TFAP2C: variants seen among roughly 807,000 people sequenced by gnomAD.
TFAP2C encodes the protein transcription factor AP-2 gamma.
TFAP2C carries 9 observed loss-of-function variants against 42.9 expected under a neutral mutation model. The ratio of observed to expected loss-of-function variants is 0.21; its 90% CI spans 0.13 to 0.37. The LOEUF (loss-of-function observed/expected upper bound fraction) is 0.37, where lower values mean the gene tolerates loss of function less well. TFAP2C is among the 10% of genes least tolerant of loss of function. The probability of loss-of-function intolerance (pLI) is 1.00; values close to 1 mark genes in which losing one functional copy is unlikely to be tolerated. For synonymous variants in TFAP2C, 264 were observed against 256.0 expected, an observed-to-expected ratio of 1.03 and a Z score of -0.30; for missense variants, 462 against 591.7, an observed-to-expected ratio of 0.78 and a Z score of 2.27.
chr20:56,638,714 CTT>C lies in TFAP2C; in HGVS notation c.*703_*704del, dbSNP rs1196095890. ...AAGTTAACTCTTCAAATGGGAGACT[CTT>C]TGAAATGACATGTTCCTTTAAGGTA... On this transcript the variant is annotated 3_prime_UTR_variant, in exon 7 of 7. Coordinates refer to ENST00000201031, the MANE Select transcript of TFAP2C (RefSeq NM_003222.4). 7.8e-6 allele frequency: 1 copy of C among 128,334 alleles called. No individual in the cohort carries two copies. The highest frequency in any genetic ancestry group is 3.0e-5 in the African/African-American group (1 of 33,444). The allele number at this position is 128,334 out of a possible 1,614,324, so 7.9% of individuals were successfully genotyped here.
At chr20:56,637,689 C>T in intron 6 of TFAP2C, 39 bp from the exon 7 acceptor site, 1 of 1,603,822 alleles carries the variant, frequency 6.2e-7, no homozygotes. Context: ...CTGTAAGGAG[C>T]TAGATGGAAC....
rs1429204295 is a variant in TFAP2C, at chr20:56,638,464, T to A, written c.*451T>A. ...GGTTGGTTTTTGTGTCCGCTAAATA[T>A]TTACCTTGAAAAAAAGAAAAGTGTG... is the stretch of plus-strand genomic sequence containing the variant. On this transcript the variant is annotated 3_prime_UTR_variant, in exon 7 of 7. Transcript: ENST00000201031. 1 of 158,756 alleles carries A rather than the reference T, an allele frequency of 6.3e-6. No homozygotes were observed. Among genetic ancestry groups the A allele is most frequent in the African/African-American group, 2.4e-5 (1 of 41,400 alleles). 9.8% of individuals were successfully genotyped at this position (158,756 alleles called of 1,614,324 possible). A position where few individuals can be genotyped will look rare whatever the true frequency, so the allele number is the denominator to read the frequency against.
rs1162002399 is a variant in TFAP2C at position 56,631,742 on chromosome 20, C to T, written c.534+52C>T. ...GACCTGTTCACCCTACGGCCTTCTG[C>T]CCCCACCCCGCACTCCTCTAGGCTC... On this transcript the variant is annotated intron_variant, in intron 2 of 6. Coordinates refer to ENST00000201031, the MANE Select transcript of TFAP2C (RefSeq NM_003222.4). The surrounding 1 kb of genome is among the most constrained non-coding windows in gnomAD (Gnocchi z 6.1). 4 of 1,612,348 alleles carry T rather than the reference C, an allele frequency of 2.5e-6. No homozygotes were observed. The highest frequency in any genetic ancestry group is 1.7e-4 in the Middle Eastern group (1 of 6,058).
At position 56,629,428 on chromosome 20, in the gene TFAP2C, C is replaced by A; in HGVS notation, c.-117C>A. The A allele has an allele frequency of 2.2e-6, 2 of 919,274 alleles. No homozygotes were observed. The highest frequency in any genetic ancestry group is 1.5e-6 in the Non-Finnish European group (1 of 666,278). The allele number at this position is 919,274 out of a possible 1,614,324, so 56.9% of individuals were successfully genotyped here. A position where few individuals can be genotyped will look rare whatever the true frequency, so the allele number is the denominator to read the frequency against. On this transcript the variant is annotated 5_prime_UTR_variant, in exon 1 of 7. Coordinates refer to ENST00000201031, the MANE Select transcript of TFAP2C (RefSeq NM_003222.4). The surrounding 1 kb of genome is among the most constrained non-coding windows in gnomAD (Gnocchi z 5.9). ...AGTGACCCGGACAGCAAGGCCCGCG[C>A]GCGGCGGGGGCGGCGGCAGACGCCT...
In TFAP2C at chr20:56,638,563, G is replaced by A. The variant is rs985004941; in HGVS notation, c.*550G>A. 3.9e-5 allele frequency: 6 copies of A among 152,882 alleles called. No homozygotes were observed. Among genetic ancestry groups the A allele is most frequent in the African/African-American group, 1.2e-4 (5 of 41,290 alleles). 9.5% of individuals were successfully genotyped at this position (152,882 alleles called of 1,614,324 possible). On this transcript the variant is annotated 3_prime_UTR_variant, in exon 7 of 7. Coordinates refer to ENST00000201031, the MANE Select transcript of TFAP2C (RefSeq NM_003222.4). ...TATCTGCTTAGCAACTAGTTAATAA[G>A]TGGTATCTGACACACTCTAAACCCC...
At chr20:56,632,726 T>G (rs757066594) in intron 3 of TFAP2C, among the ~76,000 whole-genome samples, 2 of 108,356 alleles carry the variant, frequency 1.8e-5, no homozygotes, top group Non-Finnish European at 3.5e-5. Context: ...TTTTGGTTGT[T>G]CTTGAGGGGA....
In TFAP2C at chr20:56,630,319, T is replaced by C. The variant is rs1019428795; in HGVS notation, c.48+727T>C. ...CCTCCGGGCCCTGGAGGGCTGCCCC[T>C]GCCCGCAGGCCCGGGCGCTTCCGCC... On this transcript the variant is annotated intron_variant, in intron 1 of 6. Transcript: ENST00000201031. This position sits in a 1 kb window ranked among gnomAD's most constrained non-coding sequence, Gnocchi z 5.1. The C allele has an allele frequency of 2.4e-6, 1 of 419,074 alleles. No homozygotes were observed. The highest frequency in any genetic ancestry group is 2.9e-5 in the Admixed American group (1 of 34,138). 26.0% of individuals were successfully genotyped at this position (419,074 alleles called of 1,614,324 possible). A position where few individuals can be genotyped will look rare whatever the true frequency, so the allele number is the denominator to read the frequency against.
chr20:56,632,671 A>G (rs1215653560), intron 3 of TFAP2C, among the ~76,000 whole-genome samples: 2 of 152,202 alleles, frequency 1.3e-5, no homozygotes, highest in Non-Finnish European at 2.9e-5. Context: ...TACTGTGATC[A>G]ACTGCACTGA....
rs868804360 is a variant in TFAP2C, at chr20:56,639,172, G to A, written c.*1159G>A. The A allele has an allele frequency of 1.4e-4, 22 of 152,506 alleles. No individual in the cohort carries two copies. The highest frequency in any genetic ancestry group is 5.1e-4 in the African/African-American group (21 of 41,416). The allele number at this position is 152,506 out of a possible 1,614,324, so 9.4% of individuals were successfully genotyped here. A position where few individuals can be genotyped will look rare whatever the true frequency, so the allele number is the denominator to read the frequency against. On this transcript the variant is annotated 3_prime_UTR_variant, in exon 7 of 7. Transcript: ENST00000201031. ...CTAAGGTGAGTGTGCAGTACAGTGT[G>A]TGTGGGTGAAATGGAGATTTGGAAT...
chr20:56,633,751 C>G (rs1437908319), intron 4 of TFAP2C, among the ~76,000 whole-genome samples, 182 bp downstream of exon 4: 1 of 152,146 alleles, frequency 6.6e-6, no homozygotes, highest in Non-Finnish European at 1.5e-5. Flanking sequence ...AGTGCTAAAA[C>G]GACGCTCACA....
In TFAP2C at chr20:56,631,546, G is replaced by A; in HGVS notation, c.390G>A (p.Gly130=). ...RPAGLLPHLS[G]LEAGAVSARR... ...CCGGCCTACTGCCCCACCTCTCCGGGCTGGAGGCGGGCGCGGTGAGCGCCC... is the reference window on the plus strand; with the variant it reads ...CCGGCCTACTGCCCCACCTCTCCGGACTGGAGGCGGGCGCGGTGAGCGCCC... The change falls in exon 2 of 7, where the codon GGG becomes GGA. Residue 130 remains glycine (G), a synonymous_variant. Coordinates refer to ENST00000201031, the MANE Select transcript of TFAP2C (RefSeq NM_003222.4). This position sits in a 1 kb window ranked among gnomAD's most constrained non-coding sequence, Gnocchi z 6.1. 1.3e-6 allele frequency: 2 copies of A among 1,531,374 alleles called. No individual in the cohort carries two copies. The highest frequency in any genetic ancestry group is 1.7e-6 in the Non-Finnish European group (2 of 1,145,580). 94.9% of individuals were successfully genotyped at this position (1,531,374 alleles called of 1,614,324 possible). A position where few individuals can be genotyped will look rare whatever the true frequency, so the allele number is the denominator to read the frequency against.
intron 6 of TFAP2C, 23 bp from the exon 7 acceptor site, chr20:56,637,705 G>T (rs754404050): frequency 6.2e-7 from 1 of 1,611,282 alleles, no homozygotes; most frequent in East Asian, 2.2e-5. Flanking sequence ...GGAACTCATC[G>T]AGTCAACTGA....
Position 56,639,136 on chromosome 20 carries a change from T to C in TFAP2C, c.*1123T>C, listed in dbSNP as rs1987641128. 6.6e-6 allele frequency: 1 copy of C among 152,628 alleles called. No homozygotes were observed. Among genetic ancestry groups the C allele is most frequent in the Admixed American group, 6.5e-5 (1 of 15,284 alleles). 9.5% of individuals were successfully genotyped at this position (152,628 alleles called of 1,614,324 possible). Reference sequence around the variant, plus strand: ...AGCAATAACTTTGTCTCGTTCCTGTTGGGCTGAACCCTAAGGTGAGTGTGC... The same window carrying C: ...AGCAATAACTTTGTCTCGTTCCTGTCGGGCTGAACCCTAAGGTGAGTGTGC... On this transcript the variant is annotated 3_prime_UTR_variant, in exon 7 of 7. Coordinates refer to ENST00000201031, the MANE Select transcript of TFAP2C (RefSeq NM_003222.4).
intron 5 of TFAP2C, 148 bp from the exon 6 acceptor site, chr20:56,636,462 G>A: frequency 1.3e-6 from 1 of 770,516 alleles, no homozygotes; most frequent in South Asian, 2.2e-5. Context: ...GGAGGTGGAG[G>A]TTGCAGTGAG....
At chr20:56,634,767 C>T (rs1382338752) in intron 5 of TFAP2C, among the ~76,000 whole-genome samples, 2 of 152,178 alleles carry the variant, frequency 1.3e-5, no homozygotes, top group Non-Finnish European at 2.9e-5. Flanking sequence ...CTATTCTTCC[C>T]TCCCATCCAA....
In TFAP2C at chr20:56,629,568, T is replaced by C. The variant is rs1987444913; in HGVS notation, c.24T>C (p.Asn8=). The stretch of plus-strand genomic sequence containing the variant: ...CCATGTTGTGGAAAATAACCGATAA[T>C]GTCAAGTACGAAGAGGACTGCGAGG... The part of the protein sequence containing the change: MLWKITD[N]VKYEEDCEDR... Residue 8 remains asparagine (N), a synonymous_variant, in exon 1 of 7, where the codon AAT becomes AAC. Coordinates refer to ENST00000201031, the MANE Select transcript of TFAP2C (RefSeq NM_003222.4). The surrounding 1 kb of genome is among the most constrained non-coding windows in gnomAD (Gnocchi z 5.9). 1.4e-6 allele frequency: 2 copies of C among 1,423,614 alleles called. No homozygotes were observed. The highest frequency in any genetic ancestry group is 1.9e-4 in the Middle Eastern group (1 of 5,288). The allele number at this position is 1,423,614 out of a possible 1,614,324, so 88.2% of individuals were successfully genotyped here.
rs1439065670 is a variant in TFAP2C, at chr20:56,633,580, C to T, written c.803+11C>T. 11 of 1,609,160 alleles carry T rather than the reference C, an allele frequency of 6.8e-6. No individual in the cohort carries two copies. The South Asian group carries it at 9.9e-5, about 14-fold the overall frequency. On this transcript the variant is annotated intron_variant, in intron 4 of 6. Transcript: ENST00000201031. The stretch of plus-strand genomic sequence containing the variant: ...AGGTGTTCTCAGAAGGTACTTGGGG[C>T]ACAATTCTAGGCATAGTGGTTGGGT...
chr20:56,637,942 A>G lies in TFAP2C; in HGVS notation c.1282A>G (p.Met428Val), dbSNP rs1478804173. The change falls in exon 7 of 7, where the codon ATG becomes GTG. Residue 428 changes from methionine (M) to valine (V), a missense_variant. Coordinates refer to ENST00000201031, the MANE Select transcript of TFAP2C (RefSeq NM_003222.4). Reference protein sequence around the residue: ...EALIVIDKSYMNPGDQSPADS... With the variant: ...EALIVIDKSYVNPGDQSPADS... ...CCTGATTGTCATAGACAAATCCTAC[A>G]TGAACCCTGGAGACCAGAGTCCAGC... The G allele has an allele frequency of 3.1e-6, 5 of 1,613,850 alleles. No individual in the cohort carries two copies. Among genetic ancestry groups the G allele is most frequent in the Non-Finnish European group, 4.2e-6 (5 of 1,179,828 alleles).
chr20:56,637,983 C>G lies in TFAP2C; in HGVS notation c.1323C>G (p.Thr441=). The G allele has an allele frequency of 1.2e-6, 2 of 1,613,510 alleles. No homozygotes were observed. The highest frequency in any genetic ancestry group is 2.2e-5 in the South Asian group (2 of 91,068). Residue 441 remains threonine, a synonymous_variant, in exon 7 of 7, where the codon ACC becomes ACG. Transcript: ENST00000201031. ...GDQSPADSNK[T]LEKMEKHRK Reference sequence around the variant, plus strand: ...AGAGTCCAGCTGATTCTAACAAAACCCTGGAGAAAATGGAGAAACACAGGA... The same window carrying G: ...AGAGTCCAGCTGATTCTAACAAAACGCTGGAGAAAATGGAGAAACACAGGA...
Sources: allele counts gnomAD v4.1 joint callset (sites outside exome capture counted in the v4.1 genomes callset), GRCh38; gene constraint gnomAD v4.1.1; non-coding constraint Gnocchi (gnomAD v3.1); transcripts MANE v1.5; gene names NCBI Gene and HGNC (gene_info 2026-07-23, HGNC 2026-07-21).